Variants in MAP3K2 observed in about 807,000 individuals in gnomAD.
The protein encoded by MAP3K2 is MAP/ERK kinase kinase 2.
A neutral mutation model predicts 80.3 loss-of-function variants in MAP3K2; 24 were observed. The observed-to-expected ratio is 0.30, with a 90% CI of 0.22 to 0.42. MAP3K2 has a LOEUF of 0.42. Ranked by LOEUF, MAP3K2 falls within the 10% of genes least tolerant of loss-of-function variation. The pLI is 1.00. For synonymous variants in MAP3K2, 244 were observed against 253.7 expected (o/e 0.96, Z 0.36); for missense variants, 608 against 750.1 (o/e 0.81, Z 2.21).
At chr2:127,314,130 T>C (rs1022149856) in intron 15 of MAP3K2, among the ~76,000 whole-genome samples, 3 of 152,132 alleles carry the variant, frequency 2.0e-5, no homozygotes, top group Admixed American at 1.3e-4. Context: ...CTTTATGCAT[T>C]TACCTACATC....
In MAP3K2 at chr2:127,305,702, A is replaced by G. The variant is rs1353498222; in HGVS notation, c.*1877T>C. 1 of 152,136 alleles carries G rather than the reference A, an allele frequency of 6.6e-6. No homozygotes were observed. The highest frequency in any genetic ancestry group is 2.4e-5 in the African/African-American group (1 of 41,440). The allele number at this position is 152,136 out of a possible 1,614,324, so 9.4% of individuals were successfully genotyped here. A position where few individuals can be genotyped will look rare whatever the true frequency, so the allele number is the denominator to read the frequency against. On this transcript the variant is annotated 3_prime_UTR_variant, in exon 17 of 17. Coordinates refer to ENST00000682094, the MANE Select transcript of MAP3K2 (RefSeq NM_001371910.2). ...AAAATAAAGTACTAAATAAAGTACTAATAAAGTACTTAGCACTTGCTTTAA... is the reference window on the plus strand; with the variant it reads ...AAAATAAAGTACTAAATAAAGTACTGATAAAGTACTTAGCACTTGCTTTAA...
chr2:127,380,246 T>C (rs891538361), intron 1 of MAP3K2, among the ~76,000 whole-genome samples: 1 of 152,200 alleles, frequency 6.6e-6, no homozygotes, highest in Non-Finnish European at 1.5e-5. Context: ...CATCAATGAT[T>C]ATAGTGCAAT....
intron 5 of MAP3K2, among the ~76,000 whole-genome samples, chr2:127,332,300 G>A (rs1389562215): frequency 2.6e-5 from 4 of 152,158 alleles, no homozygotes; most frequent in Non-Finnish European, 5.9e-5. Context: ...TTTCATTTGA[G>A]GGGAAAATCT....
intron 1 of MAP3K2, among the ~76,000 whole-genome samples, chr2:127,382,339 A>G (rs529551806): frequency 1.3e-5 from 2 of 152,352 alleles, no homozygotes; most frequent in South Asian, 4.1e-4. Flanking sequence ...AAAATAATAT[A>G]CAAGTATATC....
chr2:127,355,324 T>C (rs1037090435), intron 1 of MAP3K2, among the ~76,000 whole-genome samples: 24 of 152,242 alleles, frequency 1.6e-4, no homozygotes, highest in African/African-American at 5.5e-4. Context: ...TCAGGAATAA[T>C]GCAAACGAGA....
At chr2:127,347,480 A>C (rs532287675) in intron 1 of MAP3K2, among the ~76,000 whole-genome samples, 1 of 152,224 alleles carries the variant, frequency 6.6e-6, no homozygotes, top group Admixed American at 6.5e-5. Context: ...AATCAATTTC[A>C]TTTACAATAC....
In MAP3K2 at chr2:127,330,017, G is replaced by A; in HGVS notation, c.379-9C>T. On this transcript the variant is annotated splice_polypyrimidine_tract_variant and intron_variant, in intron 6 of 16. Coordinates refer to ENST00000682094, the MANE Select transcript of MAP3K2 (RefSeq NM_001371910.2). ...GGTTCTAAATTAGTAGCCTACAAAGGAGAAAAGACAGTTAATGCTATTCTT... is the reference window on the plus strand; with the variant it reads ...GGTTCTAAATTAGTAGCCTACAAAGAAGAAAAGACAGTTAATGCTATTCTT... The A allele has an allele frequency of 1.3e-6, 2 of 1,517,146 alleles. No homozygotes were observed. Among genetic ancestry groups the A allele is most frequent in the Non-Finnish European group, 1.8e-6 (2 of 1,093,644 alleles). The allele number at this position is 1,517,146 out of a possible 1,614,324, so 94.0% of individuals were successfully genotyped here. A position where few individuals can be genotyped will look rare whatever the true frequency, so the allele number is the denominator to read the frequency against.
In MAP3K2 at chr2:127,324,868, A is replaced by C. The variant is rs148182001; in HGVS notation, c.678-627T>G. ...GACCAGGAGGGGGAGCACGTGTAAC[A>C]AAAAATTCACATTTTGCAACTTTAT... is the stretch of plus-strand genomic sequence containing the variant. On this transcript the variant is annotated intron_variant, in intron 9 of 16. Coordinates refer to ENST00000682094, the MANE Select transcript of MAP3K2 (RefSeq NM_001371910.2). Among the ~76,000 whole-genome samples, 552 of 152,304 alleles carry C rather than the reference A, an allele frequency of 3.6e-3. 4 individuals are homozygous for C. Among genetic ancestry groups the C allele is most frequent in the African/African-American group, 0.012 (515 of 41,558 alleles).
chr2:127,314,596 T>C lies in MAP3K2; in HGVS notation c.1456+158A>G, dbSNP rs190203052. On this transcript the variant is annotated intron_variant, in intron 15 of 16. Transcript: ENST00000682094. The stretch of plus-strand genomic sequence containing the variant: ...ATTTGTGGAGACAGGACTGGTGTGA[T>C]AGAACACTGACAGAGTCCATAAGAA... 3.0e-4 allele frequency among the ~76,000 whole-genome samples: 45 copies of C among 152,350 alleles called. 1 individual carries two copies. In the South Asian group the frequency reaches 3.3e-3, roughly 11 times the overall value.
rs188037362 is a variant in MAP3K2 at position 127,340,986 on chromosome 2, G to T, written c.5-1936C>A. Among the ~76,000 whole-genome samples the T allele has an allele frequency of 1.6e-3, 248 of 151,846 alleles. 3 individuals are homozygous for T. The highest frequency in any genetic ancestry group is 0.014 in the Admixed American group (209 of 15,226). The stretch of plus-strand genomic sequence containing the variant: ...ATTTATAAATACTTCTTTCTTTTTG[G>T]GGGGGACGGGGGAAGCAAGGGGAGA... On this transcript the variant is annotated intron_variant, in intron 2 of 16. Coordinates refer to ENST00000682094, the MANE Select transcript of MAP3K2 (RefSeq NM_001371910.2).
intron 1 of MAP3K2, among the ~76,000 whole-genome samples, chr2:127,361,841 T>C (rs765517333): frequency 6.6e-6 from 1 of 152,184 alleles, no homozygotes; most frequent in Non-Finnish European, 1.5e-5. Context: ...TAGTTATAGG[T>C]GACTCTCGGC....
chr2:127,348,564 T>A (rs184342598), intron 1 of MAP3K2, among the ~76,000 whole-genome samples: 1 of 152,198 alleles, frequency 6.6e-6, no homozygotes, highest in African/African-American at 2.4e-5. Context: ...GAAAGTAGAT[T>A]AGTGATTTCC....
At chr2:127,312,590 G>C (rs576816680) in intron 15 of MAP3K2, among the ~76,000 whole-genome samples, 2 of 152,084 alleles carry the variant, frequency 1.3e-5, no homozygotes, top group African/African-American at 2.4e-5. Context: ...GAGCTCAAGA[G>C]GTTGAGGCTT....
chr2:127,308,732 T>C lies in MAP3K2; in HGVS notation c.1487A>G (p.Asn496Ser), dbSNP rs1685755941. The stretch of plus-strand genomic sequence containing the variant: ...GGCCCCAAAATCTCCTAGTTTGACG[T>C]TGCCTGTTGAATCTCGCAGGATATT... ...GANILRDSTG[N>S]VKLGDFGASK... The change falls in exon 16 of 17, where the codon AAC becomes AGC. Residue 496 changes from asparagine to serine, a missense_variant. By Grantham distance (46) the Asn-to-Ser change is conservative. This residue lies in a region of MAP3K2 where 88 missense variants were observed against 132.4 expected (regional missense o/e 0.66). Transcript: ENST00000682094. 1 of 1,613,808 alleles carries C rather than the reference T, an allele frequency of 6.2e-7. No individual in the cohort carries two copies. Among genetic ancestry groups the C allele is most frequent in the Non-Finnish European group, 8.5e-7 (1 of 1,179,784 alleles).
At chr2:127,342,291 G>GTTC (rs1686507728) in intron 2 of MAP3K2, among the ~76,000 whole-genome samples, 1 of 152,002 alleles carries the variant, frequency 6.6e-6, no homozygotes, top group Non-Finnish European at 1.5e-5. Flanking sequence ...AAAGTAGGGA[G>GTTC]GTGAAGTCTA....
rs1279463728 is a variant in MAP3K2, at chr2:127,322,233, T to C, written c.858A>G (p.Arg286=). The C allele has an allele frequency of 4.3e-6, 7 of 1,613,500 alleles. No homozygotes were observed. The part of the protein sequence containing the change: ...EYNDGRKTFP[R]ARRTQGTSLR... ...AGCTGGTCCCCTGGGTCCTTCTAGCTCTTGGAAAAGTTTTACGACCTAAAA... is the reference window on the plus strand; with the variant it reads ...AGCTGGTCCCCTGGGTCCTTCTAGCCCTTGGAAAAGTTTTACGACCTAAAA... The change falls in exon 12 of 17, where the codon AGA becomes AGG. Residue 286 remains arginine, a synonymous_variant. Transcript: ENST00000682094. This position sits in a 1 kb window ranked among gnomAD's most constrained non-coding sequence, Gnocchi z 4.2.
Position 127,317,669 on chromosome 2 carries a change from T to C in MAP3K2, c.1286A>G (p.Gln429Arg). ...CATAAATATGGAAAGTGTTTTTTCC[T>C]GGGGATCCCTCAAACAGCCATAATA... Reference protein sequence around the residue: ...VQYYGCLRDPQEKTLSIFMEY... With the variant: ...VQYYGCLRDPREKTLSIFMEY... The change falls in exon 14 of 17, where the codon CAG becomes CGG. Residue 429 changes from glutamine to arginine, a missense_variant. By Grantham distance (43) the Gln-to-Arg change is conservative. Transcript: ENST00000682094. 6.3e-7 allele frequency: 1 copy of C among 1,588,690 alleles called. No homozygotes were observed. The highest frequency in any genetic ancestry group is 1.1e-5 in the South Asian group (1 of 87,404).
At chr2:127,326,494 G>A (rs1249850561) in intron 8 of MAP3K2, among the ~76,000 whole-genome samples, 193 bp downstream of exon 8, 1 of 151,994 alleles carries the variant, frequency 6.6e-6, no homozygotes, top group Non-Finnish European at 1.5e-5. Context: ...AAAACCAGCT[G>A]TATTCCAGCT....
intron 9 of MAP3K2, 35 bp downstream of exon 9, chr2:127,325,689 TAAAC>T: frequency 2.0e-6 from 3 of 1,505,602 alleles, no homozygotes; most frequent in Non-Finnish European, 2.8e-6. Context: ...CTGTCTCAAA[TAAAC>T]AAATAAACCC....
Sources: gnomAD v4.1 joint callset for allele counts (sites outside exome capture counted in the v4.1 genomes callset) on GRCh38, gnomAD v4.1.1 for gene constraint, gnomAD v4.1.1 regional missense constraint, Gnocchi (gnomAD v3.1) non-coding constraint, MANE v1.5 for transcripts, NCBI Gene and HGNC (gene_info 2026-07-23, HGNC 2026-07-21) for gene names.